Variants in GJA1 observed in about 807,000 individuals in gnomAD.
GJA1 encodes gap junction protein alpha 1.
A neutral mutation model predicts 31.0 loss-of-function variants in GJA1; 9 were observed. The observed-to-expected ratio is 0.29, with a 90% CI of 0.17 to 0.51. The LOEUF (loss-of-function observed/expected upper bound fraction) is 0.51, where lower values mean the gene tolerates loss of function less well. GJA1 is among the 20% of genes least tolerant of loss of function. The probability of loss-of-function intolerance (pLI) is 0.98; values close to 1 mark genes in which losing one functional copy is unlikely to be tolerated. For missense variants in GJA1, 278 were observed against 468.8 expected (o/e 0.59, Z 3.76); for synonymous variants, 186 against 180.1 (o/e 1.03, Z -0.26).
At chr6:121,442,144 G>T (rs1483306057) in intron 1 of GJA1, among the ~76,000 whole-genome samples, 1 of 151,974 alleles carries the variant, frequency 6.6e-6, no homozygotes, top group Non-Finnish European at 1.5e-5. Flanking sequence ...AAAGATGCTG[G>T]ATATCAAATT....
intron 1 of GJA1, among the ~76,000 whole-genome samples, chr6:121,436,185 G>GGGGC (rs1554200302): frequency 1.5e-4 from 6 of 40,772 alleles, no homozygotes; most frequent in African/African-American, 2.6e-4. Flanking sequence ...TTTGTTGGGT[G>GGGGC]GGGGGGGGGC....
Position 121,447,502 on chromosome 6 carries a change from G to A in GJA1, c.655G>A (p.Val219Met). 5.6e-6 allele frequency: 9 copies of A among 1,613,924 alleles called. No individual in the cohort carries two copies. Among genetic ancestry groups the A allele is most frequent in the Non-Finnish European group, 7.6e-6 (9 of 1,179,952 alleles). Reference protein sequence around the residue: ...FIIFMLVVSLVSLALNIIELF... With the variant: ...FIIFMLVVSLMSLALNIIELF... ...CATCTTCATGCTGGTGGTGTCCTTGGTGTCCCTGGCCTTGAATATCATTGA... is the reference window on the plus strand; with the variant it reads ...CATCTTCATGCTGGTGGTGTCCTTGATGTCCCTGGCCTTGAATATCATTGA... The change falls in exon 2 of 2, where the codon GTG becomes ATG. Residue 219 changes from valine (V) to methionine (M), a missense_variant. Coordinates refer to ENST00000282561, the MANE Select transcript of GJA1 (RefSeq NM_000165.5).
In GJA1 at chr6:121,446,825, C is replaced by T. The variant is rs1273281625; in HGVS notation, c.-16-7C>T. On this transcript the variant is annotated splice_polypyrimidine_tract_variant and splice_region_variant and intron_variant, in intron 1 of 1. Coordinates refer to ENST00000282561, the MANE Select transcript of GJA1 (RefSeq NM_000165.5). ...TGATCCTTGAATTGTCTCTTTGTTT[C>T]TTTCAGGTGGTGCCCAGGCAACATG... is the stretch of plus-strand genomic sequence containing the variant. 6.4e-7 allele frequency: 1 copy of T among 1,570,330 alleles called. No homozygotes were observed. The highest frequency in any genetic ancestry group is 1.1e-5 in the South Asian group (1 of 90,198).
intron 1 of GJA1, among the ~76,000 whole-genome samples, chr6:121,444,928 A>G (rs1773860702): frequency 6.6e-6 from 1 of 152,192 alleles, no homozygotes; most frequent in African/African-American, 2.4e-5. Flanking sequence ...GCCTGGAAAC[A>G]TTTCTAGCTT....
intron 1 of GJA1, among the ~76,000 whole-genome samples, chr6:121,445,449 C>T (rs1773871228): frequency 6.6e-6 from 1 of 152,166 alleles, no homozygotes; most frequent in African/African-American, 2.4e-5. Context: ...CCACGCCTGG[C>T]CAGATCTTTT....
At chr6:121,439,808 C>T (rs992610529) in intron 1 of GJA1, among the ~76,000 whole-genome samples, 4 of 152,148 alleles carry the variant, frequency 2.6e-5, no homozygotes, top group African/African-American at 9.7e-5. Context: ...TTCACAACAT[C>T]AAATACCTAC....
At chr6:121,440,631 C>T (rs1404944599) in intron 1 of GJA1, among the ~76,000 whole-genome samples, 2 of 146,134 alleles carry the variant, frequency 1.4e-5, no homozygotes, top group Non-Finnish European at 3.0e-5. Context: ...CCCAAAGAGA[C>T]AGAAAAAAAC....
intron 1 of GJA1, 101 bp from the exon 2 acceptor site, chr6:121,446,731 G>GA: frequency 1.2e-6 from 1 of 838,414 alleles, no homozygotes; most frequent in South Asian, 1.4e-5. Context: ...AGAAATACGT[G>GA]AAACCGTTGG....
chr6:121,440,690 C>T (rs1773758977), intron 1 of GJA1, among the ~76,000 whole-genome samples: 1 of 148,582 alleles, frequency 6.7e-6, no homozygotes, highest in Admixed American at 6.7e-5. Flanking sequence ...TTTGTGGAAG[C>T]CCCATTTAAT....
rs776041829 is a variant in GJA1, at chr6:121,447,878, C to G, written c.1031C>G (p.Ser344Cys). 2.5e-6 allele frequency: 4 copies of G among 1,613,704 alleles called. No homozygotes were observed. The highest frequency in any genetic ancestry group is 2.2e-5 in the East Asian group (1 of 44,874). ...GATTTCCCCGATGATAACCAGAATT[C>G]TAAAAAACTAGCTGCTGGACATGAA... ...PFDFPDDNQN[S>C]KKLAAGHELQ... The change falls in exon 2 of 2, where the codon TCT becomes TGT. Residue 344 changes from serine to cysteine, a missense_variant. By Grantham distance (112) the Ser-to-Cys change is moderately radical (BLOSUM62 -1). Around this residue, in one of 3 missense-constraint regions of GJA1, gnomAD observed 172 missense variants for 190.9 expected, o/e 0.90. Coordinates refer to ENST00000282561, the MANE Select transcript of GJA1 (RefSeq NM_000165.5).
chr6:121,438,909 CTCT>C (rs886817727), intron 1 of GJA1, among the ~76,000 whole-genome samples: 1 of 151,300 alleles, frequency 6.6e-6, no homozygotes, highest in African/African-American at 2.4e-5. Flanking sequence ...CTGTGGTTAG[CTCT>C]TTTTTTTTAA....
rs1314591249 is a variant in GJA1 at position 121,449,130 on chromosome 6, G to A, written c.*1134G>A. 3 of 166,746 alleles carry A rather than the reference G, an allele frequency of 1.8e-5. No homozygotes were observed. Among genetic ancestry groups the A allele is most frequent in the Non-Finnish European group, 4.4e-5 (3 of 68,100 alleles). The allele number at this position is 166,746 out of a possible 1,614,324, so 10.3% of individuals were successfully genotyped here. ...ATAGCAGTAATGCTATTACTGAAAT[G>A]AATTTCCTTTTTCTGAAATGTAATC... On this transcript the variant is annotated 3_prime_UTR_variant, in exon 2 of 2. Transcript: ENST00000282561.
chr6:121,446,802 A>G lies in GJA1; in HGVS notation c.-16-30A>G, dbSNP rs775094135. 10 of 1,371,918 alleles carry G rather than the reference A, an allele frequency of 7.3e-6. No homozygotes were observed. The South Asian group carries it at 1.2e-4, about 16-fold the overall frequency. The allele number at this position is 1,371,918 out of a possible 1,614,324, so 85.0% of individuals were successfully genotyped here. A position where few individuals can be genotyped will look rare whatever the true frequency, so the allele number is the denominator to read the frequency against. On this transcript the variant is annotated intron_variant, in intron 1 of 1. Coordinates refer to ENST00000282561, the MANE Select transcript of GJA1 (RefSeq NM_000165.5). Reference sequence around the variant, plus strand: ...TTAAACTAGTAATTTGCAATCTGTGATCCTTGAATTGTCTCTTTGTTTCTT... The same window carrying G: ...TTAAACTAGTAATTTGCAATCTGTGGTCCTTGAATTGTCTCTTTGTTTCTT...
intron 1 of GJA1, among the ~76,000 whole-genome samples, chr6:121,441,839 G>A (rs1773797735): frequency 1.3e-5 from 2 of 152,142 alleles, no homozygotes; most frequent in Admixed American, 1.3e-4. Flanking sequence ...AAGGGTGGCT[G>A]TTTTAAGTGC....
intron 1 of GJA1, among the ~76,000 whole-genome samples, chr6:121,437,129 G>A (rs1384358134): frequency 4.6e-5 from 7 of 152,210 alleles, no homozygotes; most frequent in Non-Finnish European, 8.8e-5. Flanking sequence ...CGTCTGCCGG[G>A]ATCCTTCCCG....
chr6:121,445,652 A>T (rs1204813783), intron 1 of GJA1, among the ~76,000 whole-genome samples: 2 of 152,222 alleles, frequency 1.3e-5, no homozygotes, highest in East Asian at 3.8e-4. Flanking sequence ...TTGTTTTTTA[A>T]TAAGGCTGTG....
At chr6:121,438,369 A>G (rs1175619436) in intron 1 of GJA1, among the ~76,000 whole-genome samples, 1 of 152,182 alleles carries the variant, frequency 6.6e-6, no homozygotes, top group African/African-American at 2.4e-5. Flanking sequence ...CTTGGGAAAC[A>G]TGGTTGCAAA....
At chr6:121,437,462 C>T (rs74876818) in intron 1 of GJA1, among the ~76,000 whole-genome samples, 8,553 of 151,502 alleles carry the variant, frequency 0.056, 385 homozygotes, top group East Asian at 0.21. Context: ...ATTGCACTTG[C>T]AACTCCCCTG....
chr6:121,441,298 A>C (rs773137392), intron 1 of GJA1, among the ~76,000 whole-genome samples: 17 of 152,030 alleles, frequency 1.1e-4, no homozygotes, highest in Non-Finnish European at 1.8e-4. Context: ...TATGTTGGCC[A>C]GGCTGATCTC....
Sources: allele counts gnomAD v4.1 joint callset (sites outside exome capture counted in the v4.1 genomes callset), GRCh38; gene constraint gnomAD v4.1.1; regional missense constraint gnomAD v4.1.1; transcripts MANE v1.5; gene names NCBI Gene and HGNC (gene_info 2026-07-23, HGNC 2026-07-21).